Variants in OPA1 observed in about 807,000 individuals in gnomAD.
OPA1 encodes OPA1 mitochondrial dynamin like GTPase, also known as dynamin-like GTPase OPA1, mitochondrial.
Under a neutral mutation model 152.9 loss-of-function variants are expected in OPA1, and 59 were observed. That is an observed-to-expected ratio of 0.39 (90% CI 0.31 to 0.48). OPA1 has a LOEUF of 0.48. Among genes scored for constraint, OPA1 ranks in the 20% least tolerant of loss-of-function variants. The pLI is 0.96. For synonymous variants in OPA1, 400 were observed against 389.9 expected (o/e 1.03, Z -0.31); for missense variants, 1,008 against 1,216.8 (o/e 0.83, Z 2.55).
At chr3:193,611,028 GCTGCACCCACTGTC>G (rs1262796734) in intron 1 of OPA1, among the ~76,000 whole-genome samples, 2 of 152,080 alleles carry the variant, frequency 1.3e-5, no homozygotes, top group East Asian at 1.9e-4. Flanking sequence ...TGCTCGGTGC[GCTGCACCCACTGTC>G]CTGCACCCAC....
chr3:193,606,726 T>C (rs1727342789), intron 1 of OPA1, among the ~76,000 whole-genome samples: 3 of 152,224 alleles, frequency 2.0e-5, no homozygotes, highest in Non-Finnish European at 1.5e-5. Context: ...GCAATAAACA[T>C]ACGTGTGCAT....
chr3:193,627,333 C>T lies in OPA1; in HGVS notation c.789+1131C>T, dbSNP rs576404509. 7 of 152,154 alleles carry T rather than the reference C, an allele frequency of 4.6e-5. No homozygotes were observed. In the East Asian group the frequency reaches 1.2e-3, roughly 25 times the overall value. The allele number at this position is 152,154 out of a possible 1,614,324, so 9.4% of individuals were successfully genotyped here. On this transcript the variant is annotated intron_variant, in intron 7 of 30. Coordinates refer to ENST00000361510, the MANE Select transcript of OPA1 (RefSeq NM_130837.3). ...TTAGCTTCGGTGAGCAAAAACATAG[C>T]TAGAAAAAGAAAAGAAGTGAGTTTC...
chr3:193,596,140 T>G (rs1458103957), intron 1 of OPA1, among the ~76,000 whole-genome samples: 3 of 150,908 alleles, frequency 2.0e-5, no homozygotes, highest in Non-Finnish European at 4.4e-5. Flanking sequence ...CCCACTCCCT[T>G]TGGATACCAC....
intron 29 of OPA1, among the ~76,000 whole-genome samples, chr3:193,684,004 GA>G (rs1720572301): frequency 6.6e-6 from 1 of 152,152 alleles, no homozygotes; most frequent in African/African-American, 2.4e-5. Flanking sequence ...TTACAAAATG[GA>G]AAGCAGAGGT....
chr3:193,653,490 A>G (rs1226857246), intron 21 of OPA1, among the ~76,000 whole-genome samples: 1 of 151,782 alleles, frequency 6.6e-6, no homozygotes, highest in Non-Finnish European at 1.5e-5. Flanking sequence ...TTTTTTTTAT[A>G]TTGTAGTATT....
At chr3:193,644,686 C>T (rs1013209946) in intron 16 of OPA1, among the ~76,000 whole-genome samples, 4 of 152,086 alleles carry the variant, frequency 2.6e-5, no homozygotes, top group African/African-American at 7.2e-5. Context: ...CCTGCCGTGG[C>T]ATTAATGGTT....
At chr3:193,631,056 A>T (rs1027505417) in intron 7 of OPA1, among the ~76,000 whole-genome samples, 1 of 152,196 alleles carries the variant, frequency 6.6e-6, no homozygotes, top group African/African-American at 2.4e-5. Flanking sequence ...ATTTGGCTCC[A>T]CTTAAATCTC....
rs200114656 is a variant in OPA1 at position 193,643,454 on chromosome 3, T to C, written c.1377+10T>C. ...ACCAGGTGTGATTAATGTAAGTATA[T>C]ACAAAACATGTATTTTATTTTATTC... On this transcript the variant is annotated intron_variant, in intron 14 of 30. Coordinates refer to ENST00000361510, the MANE Select transcript of OPA1 (RefSeq NM_130837.3). The C allele has an allele frequency of 1.0e-4, 161 of 1,608,582 alleles. 2 individuals carry two copies. In the Admixed American group the frequency reaches 2.7e-3, roughly 27 times the overall value.
At chr3:193,604,860 CAAAA>C (rs55904490) in intron 1 of OPA1, among the ~76,000 whole-genome samples, 2 of 104,592 alleles carry the variant, frequency 1.9e-5, no homozygotes, top group Non-Finnish European at 3.8e-5. Flanking sequence ...AACTCCATCT[CAAAA>C]AAAAAAAAAA....
intron 22 of OPA1, among the ~76,000 whole-genome samples, chr3:193,655,775 A>G (rs1250499509): frequency 3.3e-5 from 5 of 152,214 alleles, no homozygotes; most frequent in Non-Finnish European, 5.9e-5. Flanking sequence ...TTGATCCATC[A>G]TGTACATCAC....
intron 1 of OPA1, among the ~76,000 whole-genome samples, chr3:193,611,673 TA>T (rs976321869): frequency 6.6e-6 from 1 of 151,772 alleles, no homozygotes; most frequent in Non-Finnish European, 1.5e-5. Flanking sequence ...CATTGCAACT[TA>T]TGTTTTTTAG....
intron 1 of OPA1, among the ~76,000 whole-genome samples, chr3:193,613,584 TG>T (rs1429753522): frequency 4.0e-5 from 6 of 151,882 alleles, no homozygotes; most frequent in Non-Finnish European, 2.9e-5. Flanking sequence ...TTTGTTTGTT[TG>T]TTTTTTTTTG....
chr3:193,600,155 G>A (rs1726246160), intron 1 of OPA1, among the ~76,000 whole-genome samples: 2 of 152,146 alleles, frequency 1.3e-5, no homozygotes, highest in South Asian at 2.1e-4. Context: ...TATTTAGTTC[G>A]CTTTAACAAT....
In OPA1 at chr3:193,614,950, A is replaced by G. The variant is rs1728787076; in HGVS notation, c.260A>G (p.Asn87Ser). 6.2e-7 allele frequency: 1 copy of G among 1,613,990 alleles called. No homozygotes were observed. The highest frequency in any genetic ancestry group is 8.5e-7 in the Non-Finnish European group (1 of 1,179,976). Residue 87 changes from asparagine (N) to serine (S), a missense_variant, in exon 2 of 31, where the codon AAT (asparagine) becomes AGT (serine). Transcript: ENST00000361510. ...AAATATGGCTACCAGCCTCGCAGGA[A>G]TTTTTGGCCAGCAAGATTAGCTACG... ...PIKYGYQPRR[N>S]FWPARLATRL... is the part of the protein sequence containing the mutation.
At chr3:193,676,585 G>T (rs1318417797) in intron 29 of OPA1, among the ~76,000 whole-genome samples, 1 of 152,156 alleles carries the variant, frequency 6.6e-6, no homozygotes, top group African/African-American at 2.4e-5. Flanking sequence ...ACATGACAAC[G>T]CCTGAGTGGT....
intron 7 of OPA1, among the ~76,000 whole-genome samples, chr3:193,630,201 T>C (rs1731856366): frequency 6.6e-6 from 1 of 152,190 alleles, no homozygotes; most frequent in South Asian, 2.1e-4. Context: ...TTATAATTCT[T>C]GTCCATCCTG....
At chr3:193,659,082 G>T in intron 24 of OPA1, 87 bp downstream of exon 24, 1 of 936,024 alleles carries the variant, frequency 1.1e-6, no homozygotes, top group South Asian at 1.3e-5. Flanking sequence ...GAAATAGATT[G>T]AACATTTCAA....
At chr3:193,642,153 C>T (rs370543287) in intron 11 of OPA1, among the ~76,000 whole-genome samples, 3 of 152,124 alleles carry the variant, frequency 2.0e-5, no homozygotes, top group Admixed American at 6.5e-5. Flanking sequence ...AAATTTCTTA[C>T]CCAAATATCA....
chr3:193,665,125 T>A, intron 27 of OPA1, 129 bp downstream of exon 27: 1 of 640,266 alleles, frequency 1.6e-6, no homozygotes, highest in Non-Finnish European at 2.8e-6. Flanking sequence ...TATGTGTAAT[T>A]TATAAAGAAT....
Sources: gnomAD v4.1 joint callset for allele counts (sites outside exome capture counted in the v4.1 genomes callset) on GRCh38, gnomAD v4.1.1 for gene constraint, MANE v1.5 for transcripts, NCBI Gene and HGNC (gene_info 2026-07-23, HGNC 2026-07-21) for gene names.